RALGAPB: variants seen among roughly 807,000 people sequenced by gnomAD.
The protein encoded by RALGAPB is Ral GTPase activating protein non-catalytic subunit beta.
In RALGAPB, 25 loss-of-function variants were observed where a neutral mutation model predicts 161.1. That is an observed-to-expected ratio of 0.16 (90% CI 0.11 to 0.22). The LOEUF (loss-of-function observed/expected upper bound fraction) is 0.22, where lower values mean the gene tolerates loss of function less well. Ranked by LOEUF, RALGAPB falls within the 10% of genes least tolerant of loss-of-function variation. The pLI, the probability that RALGAPB is intolerant of heterozygous loss-of-function variation, is 1.00. For synonymous variants in RALGAPB, 629 were observed against 626.1 expected, an observed-to-expected ratio of 1.00 and a Z score of -0.07; for missense variants, 1,391 against 1,815.2, an observed-to-expected ratio of 0.77 and a Z score of 4.25.
chr20:38,493,766 T>C (rs1051124645), intron 3 of RALGAPB, among the ~76,000 whole-genome samples: 3 of 152,328 alleles, frequency 2.0e-5, no homozygotes, highest in South Asian at 4.1e-4. Context: ...GAAGGGAGAT[T>C]ACTTTGGAAA....
In RALGAPB at chr20:38,509,060, G is replaced by A. The variant is rs144722738; in HGVS notation, c.741-17G>A. 4.3e-6 allele frequency: 7 copies of A among 1,611,688 alleles called. No homozygotes were observed. Among genetic ancestry groups the A allele is most frequent in the African/African-American group, 2.7e-5 (2 of 74,946 alleles). ...TCTGTTAAGAAATGGACTCAGTGGT[G>A]TGCATTTATTTTCTAGATTGCTACG... is the stretch of plus-strand genomic sequence containing the variant. On this transcript the variant is annotated splice_polypyrimidine_tract_variant and intron_variant, in intron 5 of 29. Transcript: ENST00000262879.
rs1184804608 is a variant in RALGAPB, at chr20:38,517,777, C to T, written c.1201-7C>T. ...GGTATGGGTGTATTCTTGTGTTCGT[C>T]TAATAGGTTAGTACTGCTCATGCCT... On this transcript the variant is annotated splice_polypyrimidine_tract_variant and splice_region_variant and intron_variant, in intron 8 of 29. Coordinates refer to ENST00000262879, the MANE Select transcript of RALGAPB (RefSeq NM_020336.4). The T allele has an allele frequency of 6.2e-7, 1 of 1,609,536 alleles. No individual in the cohort carries two copies. Among genetic ancestry groups the T allele is most frequent in the South Asian group, 1.1e-5 (1 of 90,978 alleles).
intron 1 of RALGAPB, 68 bp downstream of exon 1, chr20:38,473,137 G>A (rs2084699162): frequency 6.0e-6 from 2 of 333,170 alleles, no homozygotes; most frequent in Non-Finnish European, 1.1e-5. Flanking sequence ...CCCACCTGGC[G>A]GTCAAGGGAC....
At chr20:38,479,530 T>C (rs1302127656) in intron 1 of RALGAPB, among the ~76,000 whole-genome samples, 2 of 152,196 alleles carry the variant, frequency 1.3e-5, no homozygotes, top group African/African-American at 2.4e-5. Flanking sequence ...AGCCATAAGC[T>C]GTTACCCAGC....
intron 5 of RALGAPB, among the ~76,000 whole-genome samples, chr20:38,503,705 G>A (rs546623113): frequency 5.3e-5 from 8 of 152,218 alleles, no homozygotes; most frequent in Non-Finnish European, 1.0e-4. Flanking sequence ...GATTGACTCC[G>A]ATTTTGAAAG....
At chr20:38,501,704 G>A (rs1325988355) in intron 5 of RALGAPB, among the ~76,000 whole-genome samples, 3 of 152,030 alleles carry the variant, frequency 2.0e-5, no homozygotes, top group Non-Finnish European at 2.9e-5. Flanking sequence ...TGTGCCCAGC[G>A]TGACTTTCAA....
rs1257286785 is a variant in RALGAPB, at chr20:38,549,563, T to TATAC, written c.3009+769_3009+770insTACA. 9.8e-3 allele frequency among the ~76,000 whole-genome samples: 1,131 copies of TATAC among 115,120 alleles called. 17 individuals are homozygous for TATAC. The highest frequency in any genetic ancestry group is 0.023 in the African/African-American group (856 of 36,958). The allele number at this position is 115,120 out of a possible 152,430, so 75.5% of individuals were successfully genotyped here. A position where few individuals can be genotyped will look rare whatever the true frequency, so the allele number is the denominator to read the frequency against. Reference sequence around the variant, plus strand: ...AAAAAAAAAAAAATATATATATATATACACACACACACACATACATATACA... The same window carrying TATAC: ...AAAAAAAAAAAAATATATATATATATATACACACACACACACACATACATATACA... On this transcript the variant is annotated intron_variant, in intron 20 of 29. Transcript: ENST00000262879.
chr20:38,480,045 G>A (rs1360124999), intron 1 of RALGAPB, among the ~76,000 whole-genome samples: 3 of 151,620 alleles, frequency 2.0e-5, no homozygotes, highest in Admixed American at 2.0e-4. Context: ...GCAGTGGTGC[G>A]ATTTTGGCTC....
chr20:38,480,701 T>A (rs2084941011), intron 1 of RALGAPB, among the ~76,000 whole-genome samples: 1 of 148,524 alleles, frequency 6.7e-6, no homozygotes, highest in Non-Finnish European at 1.5e-5. Flanking sequence ...CTATGTATTT[T>A]GTTCTCTCTT....
chr20:38,477,022 C>T (rs1360279694), intron 1 of RALGAPB, among the ~76,000 whole-genome samples: 1 of 152,030 alleles, frequency 6.6e-6, no homozygotes, highest in Non-Finnish European at 1.5e-5. Context: ...AAGACACGGC[C>T]CCTGTCCTCA....
At chr20:38,531,908 A>G (rs2086662724) in intron 14 of RALGAPB, among the ~76,000 whole-genome samples, 1 of 152,148 alleles carries the variant, frequency 6.6e-6, no homozygotes, top group Non-Finnish European at 1.5e-5. Flanking sequence ...TTATATGGGG[A>G]AAAATGAGGG....
intron 6 of RALGAPB, among the ~76,000 whole-genome samples, chr20:38,510,851 A>C (rs1053189221): frequency 8.3e-6 from 1 of 120,158 alleles, no homozygotes; most frequent in East Asian, 2.0e-4. Flanking sequence ...CGGAGCTTGC[A>C]GTGAGCCGAG....
chr20:38,500,938 C>T (rs1302706605), intron 5 of RALGAPB, among the ~76,000 whole-genome samples: 3 of 152,050 alleles, frequency 2.0e-5, no homozygotes, highest in African/African-American at 4.8e-5. Context: ...ATGAAGGCTG[C>T]GAGAGGTGAG....
rs151316950 is a variant in RALGAPB, at chr20:38,516,338, G to T, written c.1019G>T (p.Arg340Leu). ...CCTCAAATATTTTTTCGTGCCATGCGTGGAATCAGCTGTCTGGTGGATGCA... is the reference window on the plus strand; with the variant it reads ...CCTCAAATATTTTTTCGTGCCATGCTTGGAATCAGCTGTCTGGTGGATGCA... ...HLPQIFFRAM[R>L]GISCLVDAFL... The change falls in exon 7 of 30, where the codon CGT becomes CTT. Residue 340 changes from arginine (R) to leucine (L), a missense_variant. Around this residue, in one of 3 missense-constraint regions of RALGAPB, gnomAD observed 946 missense variants for 1,257.2 expected, o/e 0.75. Transcript: ENST00000262879. 65 of 1,613,882 alleles carry T rather than the reference G, an allele frequency of 4.0e-5. No homozygotes were observed. Among genetic ancestry groups the T allele is most frequent in the Non-Finnish European group, 5.3e-5 (62 of 1,179,906 alleles).
At chr20:38,564,843 C>T (rs2087927220) in intron 24 of RALGAPB, among the ~76,000 whole-genome samples, 1 of 151,972 alleles carries the variant, frequency 6.6e-6, no homozygotes, top group African/African-American at 2.4e-5. Flanking sequence ...TCTTCTCTCT[C>T]TTCTTCTCTC....
In RALGAPB at chr20:38,546,265, T is replaced by C; in HGVS notation, c.2737T>C (p.Phe913Leu). The change falls in exon 19 of 30, where the codon TTT becomes CTT. Residue 913 changes from phenylalanine (F) to leucine (L), a missense_variant. By Grantham distance (22) the Phe-to-Leu change is conservative. Coordinates refer to ENST00000262879, the MANE Select transcript of RALGAPB (RefSeq NM_020336.4). ...LTCIMQLLGA[F>L]PSPSGPASPC... ...TAGCATTATGCAGTTGCTCGGCGCA[T>C]TTCCTTCACCTAGTGGTCCTGCCTC... 6.2e-7 allele frequency: 1 copy of C among 1,614,108 alleles called. No homozygotes were observed. Among genetic ancestry groups the C allele is most frequent in the Admixed American group, 1.7e-5 (1 of 60,020 alleles).
chr20:38,530,056 C>T (rs2086605046), intron 13 of RALGAPB, among the ~76,000 whole-genome samples: 1 of 152,174 alleles, frequency 6.6e-6, no homozygotes, highest in South Asian at 2.1e-4. Context: ...ACTAGTGGCA[C>T]TTCCTATGGG....
At chr20:38,510,834 C>T (rs568318637) in intron 6 of RALGAPB, among the ~76,000 whole-genome samples, 3 of 141,090 alleles carry the variant, frequency 2.1e-5, no homozygotes, top group East Asian at 2.0e-4. Flanking sequence ...GGGGTGAACC[C>T]GGGAGGCGGA....
rs767501755 is a variant in RALGAPB, at chr20:38,546,269, C to T, written c.2741C>T (p.Pro914Leu). The change falls in exon 19 of 30, where the codon CCT becomes CTT. Residue 914 changes from proline (P) to leucine (L), a missense_variant. By Grantham distance (98) the Pro-to-Leu change is moderately conservative. Coordinates refer to ENST00000262879, the MANE Select transcript of RALGAPB (RefSeq NM_020336.4). ...TCIMQLLGAF[P>L]SPSGPASPCS... Reference sequence around the variant, plus strand: ...ATTATGCAGTTGCTCGGCGCATTTCCTTCACCTAGTGGTCCTGCCTCTCCT... The same window carrying T: ...ATTATGCAGTTGCTCGGCGCATTTCTTTCACCTAGTGGTCCTGCCTCTCCT... 6.2e-7 allele frequency: 1 copy of T among 1,614,064 alleles called. No homozygotes were observed. The highest frequency in any genetic ancestry group is 1.7e-5 in the Admixed American group (1 of 60,016).
Sources: allele counts gnomAD v4.1 joint callset (sites outside exome capture counted in the v4.1 genomes callset), GRCh38; gene constraint gnomAD v4.1.1; regional missense constraint gnomAD v4.1.1; transcripts MANE v1.5; gene names NCBI Gene and HGNC (gene_info 2026-07-23, HGNC 2026-07-21).